NECAB1: variants seen among roughly 807,000 people sequenced by gnomAD.
The protein encoded by NECAB1 is N-terminal EF-hand calcium binding protein 1.
A neutral mutation model predicts 57.5 loss-of-function variants in NECAB1; 29 were observed. The ratio of observed to expected loss-of-function variants is 0.50; its 90% confidence interval spans 0.38 to 0.69. The LOEUF (loss-of-function observed/expected upper bound fraction) is 0.69, where lower values mean the gene tolerates loss of function less well. NECAB1 is among the 30% of genes least tolerant of loss of function. The probability of loss-of-function intolerance (pLI) is 0.00; values close to 1 mark genes in which losing one functional copy is unlikely to be tolerated. For synonymous variants in NECAB1, 142 were observed against 147.7 expected (o/e 0.96, Z 0.28); for missense variants, 372 against 413.8 (o/e 0.90, Z 0.88).
At chr8:90,940,732 T>C in intron 9 of NECAB1, 54 bp from the exon 10 acceptor site, 7 of 1,391,726 alleles carry the variant, frequency 5.0e-6, no homozygotes, top group Non-Finnish European at 7.0e-6. Context: ...AGGAGTCAGC[T>C]TAAATCGGGC....
chr8:90,802,367 T>C lies in NECAB1; in HGVS notation c.124+652T>C, dbSNP rs563054257. ...TAATGATGACTGCACAACATCTAAGTTGTCATAAGCAGTATCTTTCGACTC... is the reference window on the plus strand; with the variant it reads ...TAATGATGACTGCACAACATCTAAGCTGTCATAAGCAGTATCTTTCGACTC... On this transcript the variant is annotated intron_variant, in intron 2 of 12. Transcript: ENST00000417640. Among the ~76,000 whole-genome samples the C allele has an allele frequency of 1.6e-4, 25 of 152,370 alleles. No homozygotes were observed. In the East Asian group the frequency reaches 4.4e-3, roughly 27 times the overall value.
chr8:90,869,737 A>G (rs1808587898), intron 3 of NECAB1, among the ~76,000 whole-genome samples: 2 of 152,132 alleles, frequency 1.3e-5, no homozygotes, highest in Non-Finnish European at 2.9e-5. Flanking sequence ...TCAGAGGTGG[A>G]AGGGACTTGC....
chr8:90,883,249 A>G, intron 5 of NECAB1, among the ~76,000 whole-genome samples: 1 of 152,306 alleles, frequency 6.6e-6, no homozygotes, highest in East Asian at 1.9e-4. Flanking sequence ...ATTTAAATTA[A>G]AAAGGAAAAA....
chr8:90,925,446 C>T (rs2130166263), intron 6 of NECAB1, 89 bp from the exon 7 acceptor site: 1 of 1,459,492 alleles, frequency 6.9e-7, no homozygotes, highest in East Asian at 2.4e-5. Flanking sequence ...CACTAGAAAA[C>T]CTTTATGACT....
At chr8:90,918,888 T>C (rs1313561622) in intron 6 of NECAB1, among the ~76,000 whole-genome samples, 2 of 152,202 alleles carry the variant, frequency 1.3e-5, no homozygotes, top group East Asian at 1.9e-4. Context: ...ACCCCTTCCT[T>C]GTTAATTTGG....
At chr8:90,873,711 A>T (rs1808661175) in intron 4 of NECAB1, among the ~76,000 whole-genome samples, 1 of 152,194 alleles carries the variant, frequency 6.6e-6, no homozygotes, top group South Asian at 2.1e-4. Flanking sequence ...TAAGATAAAA[A>T]CACTAAGTGG....
Position 90,928,309 on chromosome 8 carries a change from T to C in NECAB1, c.693+10T>C. 1 of 1,586,138 alleles carries C rather than the reference T, an allele frequency of 6.3e-7. No individual in the cohort carries two copies. The highest frequency in any genetic ancestry group is 8.6e-7 in the Non-Finnish European group (1 of 1,162,074). On this transcript the variant is annotated intron_variant, in intron 8 of 12. Transcript: ENST00000417640. ...TAGACTGGAAAAGAAGGTAGGTGCT[T>C]TCTTTTCTTTATTCTCTCTTCCACT...
chr8:90,929,875 C>A (rs547848797), intron 8 of NECAB1, among the ~76,000 whole-genome samples: 2 of 152,178 alleles, frequency 1.3e-5, no homozygotes, highest in South Asian at 4.2e-4. Context: ...AGTAGATTGG[C>A]CTGGTTAAGA....
At chr8:90,879,533 A>C (rs1398887868) in intron 4 of NECAB1, among the ~76,000 whole-genome samples, 1 of 152,198 alleles carries the variant, frequency 6.6e-6, no homozygotes, top group Non-Finnish European at 1.5e-5. Context: ...AAGTTTTAAA[A>C]TAAAAATGAA....
rs1563549663 is a variant in NECAB1 at position 90,956,939 on chromosome 8, C to T, written c.*1427C>T. The T allele has an allele frequency of 1.5e-5, 2 of 132,734 alleles. No homozygotes were observed. Among genetic ancestry groups the T allele is most frequent in the African/African-American group, 6.1e-5 (2 of 32,556 alleles). 8.2% of individuals were successfully genotyped at this position (132,734 alleles called of 1,614,324 possible). A position where few individuals can be genotyped will look rare whatever the true frequency, so the allele number is the denominator to read the frequency against. ...AGTAAATTTTGATATATTGTACATA[C>T]ACACGTGTGTGTGTGTGTGTGTGTG... On this transcript the variant is annotated 3_prime_UTR_variant, in exon 13 of 13. Transcript: ENST00000417640.
chr8:90,838,732 A>G (rs79626495), intron 3 of NECAB1, among the ~76,000 whole-genome samples: 441 of 152,322 alleles, frequency 2.9e-3, no homozygotes, highest in Non-Finnish European at 3.8e-3. Flanking sequence ...TCCCTTGTCT[A>G]TGTTATAACA....
chr8:90,836,067 C>T (rs1349217178), intron 3 of NECAB1, among the ~76,000 whole-genome samples: 4 of 152,102 alleles, frequency 2.6e-5, no homozygotes, highest in African/African-American at 7.2e-5. Flanking sequence ...TAAAATAGTT[C>T]TCTACTCCTG....
At chr8:90,865,019 C>T (rs749903828) in intron 3 of NECAB1, among the ~76,000 whole-genome samples, 16 of 152,024 alleles carry the variant, frequency 1.1e-4, no homozygotes, top group Admixed American at 2.6e-4. Flanking sequence ...GATCAACAGC[C>T]CCACTGGAAG....
intron 2 of NECAB1, among the ~76,000 whole-genome samples, chr8:90,802,615 A>C (rs894511044): frequency 2.0e-5 from 3 of 152,210 alleles, no homozygotes; most frequent in Admixed American, 6.5e-5. Flanking sequence ...CAGATCTGAC[A>C]GTTTAAAGAC....
In NECAB1 at chr8:90,838,664, C is replaced by T. The variant is rs76068503; in HGVS notation, c.233+13839C>T. ...AGTATCTGGAGAAAACTCACATAGA[C>T]GTGGAGAGAACATACAAACTCCACA... On this transcript the variant is annotated intron_variant, in intron 3 of 12. Coordinates refer to ENST00000417640, the MANE Select transcript of NECAB1 (RefSeq NM_022351.5). 1.4e-4 allele frequency among the ~76,000 whole-genome samples: 22 copies of T among 152,300 alleles called. No individual in the cohort carries two copies. In the East Asian group the frequency reaches 4.0e-3, roughly 28 times the overall value.
At chr8:90,835,391 C>T (rs890347349) in intron 3 of NECAB1, among the ~76,000 whole-genome samples, 3 of 152,202 alleles carry the variant, frequency 2.0e-5, no homozygotes, top group African/African-American at 7.2e-5. Flanking sequence ...CTCAGACTTG[C>T]CAGGCTTGGG....
chr8:90,893,212 T>A (rs540252105), intron 5 of NECAB1, among the ~76,000 whole-genome samples: 1 of 152,126 alleles, frequency 6.6e-6, no homozygotes, highest in South Asian at 2.1e-4. Context: ...CCCCTAGGAA[T>A]CCTTTCTTGA....
At chr8:90,836,183 A>G (rs977763352) in intron 3 of NECAB1, among the ~76,000 whole-genome samples, 2 of 152,208 alleles carry the variant, frequency 1.3e-5, no homozygotes, top group East Asian at 3.8e-4. Flanking sequence ...TTCCTGATAT[A>G]ATTATTGGAT....
intron 3 of NECAB1, among the ~76,000 whole-genome samples, chr8:90,852,652 G>A (rs1586059242): frequency 6.6e-6 from 1 of 152,144 alleles, no homozygotes; most frequent in Admixed American, 6.5e-5. Context: ...TGGGATGTTG[G>A]GCTGGATATC....
Sources: allele counts gnomAD v4.1 joint callset (sites outside exome capture counted in the v4.1 genomes callset), GRCh38; gene constraint gnomAD v4.1.1; transcripts MANE v1.5; gene names NCBI Gene and HGNC (gene_info 2026-07-23, HGNC 2026-07-21).